Variants in METTL15 observed in about 807,000 individuals in gnomAD.
The protein encoded by METTL15 is 12S rRNA N(4)-cytidine methyltransferase METTL15.
Under a neutral mutation model 38.3 loss-of-function variants are expected in METTL15, and 34 were observed. The ratio of observed to expected loss-of-function variants is 0.89; its 90% CI spans 0.68 to 1.18. METTL15 has a LOEUF of 1.18. Among genes scored for constraint, METTL15 ranks in the 50% most tolerant of loss-of-function variants. The pLI is 0.00. For missense variants in METTL15, 438 were observed against 498.4 expected (o/e 0.88, Z 1.15); for synonymous variants, 162 against 170.9 (o/e 0.95, Z 0.41).
chr11:28,320,941 G>C (rs1849445535), intron 6 of METTL15, among the ~76,000 whole-genome samples: 1 of 151,946 alleles, frequency 6.6e-6, no homozygotes, highest in East Asian at 1.9e-4. Flanking sequence ...TATACATTAG[G>C]AAAATTTTAT....
intron 5 of METTL15, among the ~76,000 whole-genome samples, chr11:28,295,269 G>A (rs1856688836): frequency 6.6e-6 from 1 of 152,034 alleles, no homozygotes; most frequent in South Asian, 2.1e-4. Context: ...CATTTCACAG[G>A]TTAAAAATTG....
At chr11:28,506,736 CTTTTTT>C (rs71449180) in intron 6 of METTL15, among the ~76,000 whole-genome samples, 2 of 111,620 alleles carry the variant, frequency 1.8e-5, no homozygotes, top group Middle Eastern at 5.0e-3. Context: ...ATCTCAGTCT[CTTTTTT>C]TTTTTTTTTT....
At chr11:28,275,257 C>A (rs1484436237) in intron 4 of METTL15, among the ~76,000 whole-genome samples, 4 of 151,160 alleles carry the variant, frequency 2.6e-5, no homozygotes, top group African/African-American at 9.7e-5. Flanking sequence ...ATAAACAAAA[C>A]CAGAAATGAA....
intron 3 of METTL15, among the ~76,000 whole-genome samples, chr11:28,159,428 G>A (rs1178910088): frequency 2.6e-5 from 4 of 151,346 alleles, no homozygotes; most frequent in African/African-American, 9.7e-5. Context: ...ATGAATGAAG[G>A]TTTGAATCAC....
intron 4 of METTL15, among the ~76,000 whole-genome samples, chr11:28,259,603 A>T (rs1048292777): frequency 1.3e-5 from 2 of 152,194 alleles, no homozygotes; most frequent in Non-Finnish European, 1.5e-5. Context: ...TGCACATGTC[A>T]GCTGAATTTG....
At chr11:28,505,184 A>T (rs1444921298) in intron 6 of METTL15, among the ~76,000 whole-genome samples, 3 of 152,030 alleles carry the variant, frequency 2.0e-5, no homozygotes, top group African/African-American at 7.3e-5. Flanking sequence ...GTATGTGTGT[A>T]TGTGTGTTTT....
intron 4 of METTL15, among the ~76,000 whole-genome samples, chr11:28,237,777 T>G (rs1005825672): frequency 6.6e-6 from 1 of 152,140 alleles, no homozygotes; most frequent in Non-Finnish European, 1.5e-5. Flanking sequence ...ACAGATGGGT[T>G]TTTGGTGTGG....
At position 28,421,177 on chromosome 11, in the gene METTL15, G is replaced by A. The variant is rs893850687; in HGVS notation, c.*359-3122G>A. 5.9e-5 allele frequency among the ~76,000 whole-genome samples: 9 copies of A among 151,906 alleles called. 1 individual carries two copies. The highest frequency in any genetic ancestry group is 4.6e-4 in the Admixed American group (7 of 15,242). On this transcript the variant is annotated intron_variant and NMD_transcript_variant, in intron 5 of 7. Coordinates refer to the METTL15 transcript ENST00000532947. ...TTGAACCATGAAGAAATCCAACACC[G>A]GAACAGAGCAATAGCAAGTAATAAG... is the stretch of plus-strand genomic sequence containing the variant.
At chr11:28,147,368 G>A (rs1248857505) in intron 3 of METTL15, among the ~76,000 whole-genome samples, 1 of 151,718 alleles carries the variant, frequency 6.6e-6, no homozygotes, top group Non-Finnish European at 1.5e-5. Context: ...ACAATCTTTA[G>A]GGCAATAAGT....
chr11:28,277,829 A>G (rs1444697473), intron 4 of METTL15, among the ~76,000 whole-genome samples: 1 of 152,158 alleles, frequency 6.6e-6, no homozygotes, highest in Non-Finnish European at 1.5e-5. Context: ...TCTCACTTAT[A>G]TGTAGGAATT....
At chr11:28,506,198 T>C (rs535922773) in intron 6 of METTL15, among the ~76,000 whole-genome samples, 2 of 152,354 alleles carry the variant, frequency 1.3e-5, no homozygotes, top group Non-Finnish European at 2.9e-5. Flanking sequence ...TCTCTCTCCC[T>C]GGGAGGCCCC....
intron 6 of METTL15, among the ~76,000 whole-genome samples, chr11:28,439,029 A>AG (rs1392784252): frequency 6.6e-6 from 1 of 151,836 alleles, no homozygotes; most frequent in Non-Finnish European, 1.5e-5. Flanking sequence ...AATGCAAAAA[A>AG]AAAAAGTGCT....
chr11:28,406,897 A>T (rs1010071575), intron 5 of METTL15, among the ~76,000 whole-genome samples: 2 of 152,096 alleles, frequency 1.3e-5, no homozygotes, highest in Non-Finnish European at 1.5e-5. Context: ...AGCATGAAGG[A>T]ATGTTGAATT....
chr11:28,341,787 T>C (rs548574247), intron 3 of METTL15, among the ~76,000 whole-genome samples: 9 of 152,310 alleles, frequency 5.9e-5, no homozygotes, highest in African/African-American at 2.2e-4. Flanking sequence ...CATGCCAGTG[T>C]ACTCTCCACT....
intron 6 of METTL15, among the ~76,000 whole-genome samples, chr11:28,478,989 C>T (rs1448299896): frequency 6.6e-6 from 1 of 151,744 alleles, no homozygotes; most frequent in Non-Finnish European, 1.5e-5. Context: ...ATTTGGCAGG[C>T]GTTCTTACTA....
intron 6 of METTL15, among the ~76,000 whole-genome samples, chr11:28,440,483 C>A (rs1851025011): frequency 6.6e-6 from 1 of 152,162 alleles, no homozygotes; most frequent in African/African-American, 2.4e-5. Flanking sequence ...TGGATTCAGA[C>A]TGGCCTTGTT....
At chr11:28,118,440 A>G (rs943268377) in intron 3 of METTL15, among the ~76,000 whole-genome samples, 1 of 152,076 alleles carries the variant, frequency 6.6e-6, no homozygotes, top group African/African-American at 2.4e-5. Context: ...AGTTTGCATC[A>G]TTTCATATTC....
At chr11:28,479,154 A>G (rs1851373792) in intron 6 of METTL15, among the ~76,000 whole-genome samples, 1 of 151,898 alleles carries the variant, frequency 6.6e-6, no homozygotes, top group Non-Finnish European at 1.5e-5. Context: ...GAATAAAGGA[A>G]AGGGTTGTTG....
intron 3 of METTL15, among the ~76,000 whole-genome samples, chr11:28,194,654 T>A (rs1590137894): frequency 2.0e-5 from 3 of 152,118 alleles, no homozygotes; most frequent in Non-Finnish European, 4.4e-5. Context: ...AAAAGATTAT[T>A]TTATTTTTAA....
Sources: allele counts gnomAD v4.1 joint callset (sites outside exome capture counted in the v4.1 genomes callset), GRCh38; gene constraint gnomAD v4.1.1; transcripts MANE v1.5; gene names NCBI Gene and HGNC (gene_info 2026-07-23, HGNC 2026-07-21).